Variants in COX7B2 observed in about 807,000 individuals in gnomAD.
COX7B2 encodes cytochrome c oxidase subunit 7B2.
For synonymous variants in COX7B2, 37 were observed against 32.1 expected (o/e 1.15, Z -0.51); for missense variants, 109 against 95.9 (o/e 1.14, Z -0.57).
intron 1 of COX7B2, among the ~76,000 whole-genome samples, chr4:46,861,331 A>T (rs1023154836): frequency 1.1e-4 from 17 of 152,132 alleles, no homozygotes; most frequent in African/African-American, 4.1e-4. Context: ...AATTGGCAGC[A>T]ACTGTGTACT....
chr4:46,888,693 G>A (rs577541172), intron 1 of COX7B2, among the ~76,000 whole-genome samples: 8 of 152,120 alleles, frequency 5.3e-5, no homozygotes, highest in African/African-American at 1.4e-4. Context: ...TGATCCTCCC[G>A]CCTCGGCCTC....
intron 1 of COX7B2, among the ~76,000 whole-genome samples, chr4:46,907,196 T>C (rs533673796): frequency 1.1e-4 from 17 of 152,300 alleles, no homozygotes; most frequent in Non-Finnish European, 2.2e-4. Flanking sequence ...TCCTATGACA[T>C]ACAACATTTA....
chr4:46,869,016 T>C (rs867786428), intron 1 of COX7B2, among the ~76,000 whole-genome samples: 17 of 152,240 alleles, frequency 1.1e-4, no homozygotes, highest in Admixed American at 2.6e-4. Flanking sequence ...TGTCTCTTTG[T>C]AGGTCTCTAA....
chr4:46,764,643 G>A (rs922088895), intron 2 of COX7B2, among the ~76,000 whole-genome samples: 2 of 147,778 alleles, frequency 1.4e-5, no homozygotes, highest in Non-Finnish European at 3.0e-5. Context: ...GTGGCTCACT[G>A]AACTCCAGCC....
intron 2 of COX7B2, among the ~76,000 whole-genome samples, chr4:46,819,829 T>C (rs1050413351): frequency 4.6e-5 from 7 of 152,260 alleles, no homozygotes; most frequent in African/African-American, 1.4e-4. Context: ...CATTGTGGCA[T>C]GGTCACAATT....
Position 46,835,396 on chromosome 4 carries a change from A to G in COX7B2, c.-50+9564T>C, listed in dbSNP as rs141541393. 3.4e-3 allele frequency among the ~76,000 whole-genome samples: 511 copies of G among 152,182 alleles called. 11 individuals are homozygous for G. Among genetic ancestry groups the G allele is most frequent in the Middle Eastern group, 0.027 (8 of 294 alleles). On this transcript the variant is annotated intron_variant, in intron 2 of 2. Transcript: ENST00000355591. ...GCGTTGCTTTTAAAATCAGAAAAAA[A>G]AAATGCAGTAACTGTTACGAGATAC... is the stretch of plus-strand genomic sequence containing the variant.
chr4:46,866,195 G>T (rs1717652376), intron 1 of COX7B2, among the ~76,000 whole-genome samples: 1 of 152,176 alleles, frequency 6.6e-6, no homozygotes, highest in Admixed American at 6.5e-5. Context: ...AAAAGCAACT[G>T]CCTGATTTAG....
At chr4:46,825,521 GA>G (rs1173710990) in intron 2 of COX7B2, among the ~76,000 whole-genome samples, 1 of 151,970 alleles carries the variant, frequency 6.6e-6, no homozygotes, top group Non-Finnish European at 1.5e-5. Context: ...CACAGAACTA[GA>G]AAAAAACTAT....
intron 1 of COX7B2, among the ~76,000 whole-genome samples, chr4:46,862,436 G>A (rs1717391722): frequency 6.6e-6 from 1 of 152,186 alleles, no homozygotes; most frequent in Non-Finnish European, 1.5e-5. Context: ...CACATATTTA[G>A]ATATGTTTAT....
rs1215385422 is a variant in COX7B2, at chr4:46,880,993, T to TAAAAAAAAA, written c.-105+28158_-105+28166dup. Among the ~76,000 whole-genome samples the TAAAAAAAAA allele has an allele frequency of 2.5e-3, 257 of 102,740 alleles. 7 individuals are homozygous for TAAAAAAAAA. The highest frequency in any genetic ancestry group is 8.7e-3 in the African/African-American group (243 of 27,952). 67.4% of individuals were successfully genotyped at this position (102,740 alleles called of 152,430 possible). A position where few individuals can be genotyped will look rare whatever the true frequency, so the allele number is the denominator to read the frequency against. ...ATGTACCCTAAAACTTAGAGTATAATAAAAAAAAAAAAAAAAAACTCTTGG... is the reference window on the plus strand; with the variant it reads ...ATGTACCCTAAAACTTAGAGTATAATAAAAAAAAAAAAAAAAAAAAAAAAAAACTCTTGG... On this transcript the variant is annotated intron_variant, in intron 1 of 2. Coordinates refer to ENST00000355591, the MANE Select transcript of COX7B2 (RefSeq NM_130902.3).
In COX7B2 at chr4:46,734,869, AT is replaced by A; in HGVS notation, c.*77del. 1 of 1,483,928 alleles carries A rather than the reference AT, an allele frequency of 6.7e-7. No homozygotes were observed. The highest frequency in any genetic ancestry group is 9.3e-7 in the Non-Finnish European group (1 of 1,074,582). 91.9% of individuals were successfully genotyped at this position (1,483,928 alleles called of 1,614,324 possible). A position where few individuals can be genotyped will look rare whatever the true frequency, so the allele number is the denominator to read the frequency against. The stretch of plus-strand genomic sequence containing the variant: ...CACATTTTATTTTTTCAATTGTGCT[AT>A]ATTTTAATAAGCAGTAGAGTGCTTA... On this transcript the variant is annotated 3_prime_UTR_variant, in exon 3 of 3. Coordinates refer to ENST00000355591, the MANE Select transcript of COX7B2 (RefSeq NM_130902.3).
chr4:46,772,433 A>G (rs1716928077), intron 2 of COX7B2, among the ~76,000 whole-genome samples: 1 of 152,160 alleles, frequency 6.6e-6, no homozygotes, highest in Non-Finnish European at 1.5e-5. Context: ...AGTAGATCTT[A>G]AATGTTCTCA....
intron 2 of COX7B2, among the ~76,000 whole-genome samples, chr4:46,792,095 T>G (rs916574155): frequency 1.3e-5 from 2 of 152,234 alleles, no homozygotes; most frequent in African/African-American, 2.4e-5. Flanking sequence ...GAATCCCTAT[T>G]GTGCCCTTGA....
intron 1 of COX7B2, among the ~76,000 whole-genome samples, chr4:46,846,156 T>C (rs1477020168): frequency 6.6e-6 from 1 of 152,070 alleles, no homozygotes; most frequent in Non-Finnish European, 1.5e-5. Context: ...ATGCTGCAGA[T>C]ACCAAGGTGA....
intron 1 of COX7B2, among the ~76,000 whole-genome samples, chr4:46,861,419 G>A (rs972747180): frequency 6.6e-6 from 1 of 152,154 alleles, no homozygotes; most frequent in Non-Finnish European, 1.5e-5. Context: ...ATAAACCTCT[G>A]TGTCTGGTAG....
At chr4:46,849,699 T>A (rs1369367956) in intron 1 of COX7B2, among the ~76,000 whole-genome samples, 3 of 152,082 alleles carry the variant, frequency 2.0e-5, no homozygotes, top group Non-Finnish European at 4.4e-5. Context: ...AATTTTTTTT[T>A]ATTATACTTT....
chr4:46,756,990 A>T lies in COX7B2; in HGVS notation c.-49-21749T>A, dbSNP rs553026154. Among the ~76,000 whole-genome samples the T allele has an allele frequency of 2.0e-5, 3 of 152,242 alleles. No individual in the cohort carries two copies. In the East Asian group the frequency reaches 5.8e-4, roughly 29 times the overall value. On this transcript the variant is annotated intron_variant, in intron 2 of 2. Transcript: ENST00000355591. The stretch of plus-strand genomic sequence containing the variant: ...ATTAAAAAGATACCTACATCTGTAC[A>T]TTTATCACAGCATTATTCACAATAG...
chr4:46,751,581 G>A (rs1483698909), intron 2 of COX7B2, among the ~76,000 whole-genome samples: 1 of 152,080 alleles, frequency 6.6e-6, no homozygotes, highest in Admixed American at 6.6e-5. Flanking sequence ...AGTTTAGTGT[G>A]AGAGCAAGCT....
intron 1 of COX7B2, among the ~76,000 whole-genome samples, chr4:46,900,299 G>A (rs1184976700): frequency 6.6e-6 from 1 of 152,178 alleles, no homozygotes; most frequent in Non-Finnish European, 1.5e-5. Flanking sequence ...ACATACCAAA[G>A]TGCTGGAGTT....
Sources: gnomAD v4.1 joint callset for allele counts (sites outside exome capture counted in the v4.1 genomes callset) on GRCh38, gnomAD v4.1.1 for gene constraint, MANE v1.5 for transcripts, NCBI Gene and HGNC (gene_info 2026-07-23, HGNC 2026-07-21) for gene names.